The following TENM3 variants were observed in gnomAD, a reference collection of about 807,000 sequenced individuals.
TENM3 encodes teneurin-3.
In TENM3, 63 loss-of-function variants were observed where a neutral mutation model predicts 255.1. The observed-to-expected ratio is 0.25, with a 90% CI of 0.20 to 0.30. The LOEUF (loss-of-function observed/expected upper bound fraction) is 0.30. Among genes scored for constraint, TENM3 ranks in the 10% least tolerant of loss-of-function variants. The pLI is 1.00. For missense variants in TENM3, 2,929 were observed against 3,461.1 expected (o/e 0.85, Z 3.86); for synonymous variants, 1,306 against 1,322.3 (o/e 0.99, Z 0.27).
chr4:182,663,865 C>T (rs1447231114), intron 6 of TENM3, among the ~76,000 whole-genome samples: 1 of 152,174 alleles, frequency 6.6e-6, no homozygotes, highest in African/African-American at 2.4e-5. Context: ...AGATTTATTA[C>T]ACTGTTTTTA....
intron 3 of TENM3, among the ~76,000 whole-genome samples, chr4:182,387,924 G>C (rs1768090340): frequency 8.9e-6 from 1 of 112,950 alleles, no homozygotes; most frequent in African/African-American, 3.3e-5. Context: ...TGGTTTCTAA[G>C]GGGTGATAAT....
chr4:181,696,615 A>G, the TENM3 span, among the ~76,000 whole-genome samples: 6 of 152,198 alleles, frequency 3.9e-5, no homozygotes, highest in African/African-American at 1.2e-4. Context: ...AGAATGTTCA[A>G]GTAAGGGGCC....
the TENM3 span, among the ~76,000 whole-genome samples, chr4:182,113,161 A>G: frequency 6.6e-6 from 1 of 152,226 alleles, no homozygotes; most frequent in African/African-American, 2.4e-5. Flanking sequence ...AGGACAAACA[A>G]CTGTTTTATC....
At chr4:181,874,883 A>G in the TENM3 span, among the ~76,000 whole-genome samples, 2 of 152,198 alleles carry the variant, frequency 1.3e-5, no homozygotes, top group East Asian at 1.9e-4. Context: ...CAGGACAAAT[A>G]TAGAGTTCCC....
chr4:182,100,112 C>T, the TENM3 span, among the ~76,000 whole-genome samples: 1 of 152,016 alleles, frequency 6.6e-6, no homozygotes, highest in Non-Finnish European at 1.5e-5. Context: ...CTTTAATTCT[C>T]CTCTCTGACC....
At chr4:181,679,414 A>G in the TENM3 span, among the ~76,000 whole-genome samples, 1 of 152,146 alleles carries the variant, frequency 6.6e-6, no homozygotes, top group Non-Finnish European at 1.5e-5. Flanking sequence ...CTAGTAGTAC[A>G]TTATAAACCT....
the TENM3 span, among the ~76,000 whole-genome samples, chr4:181,549,183 G>A: frequency 3.3e-5 from 5 of 151,996 alleles, no homozygotes; most frequent in Admixed American, 1.3e-4. Context: ...TGGCTGCCCC[G>A]CCAGAGGTCC....
chr4:182,303,950 C>T (rs1761988791), intron 1 of TENM3, among the ~76,000 whole-genome samples: 1 of 152,082 alleles, frequency 6.6e-6, no homozygotes, highest in South Asian at 2.1e-4. Flanking sequence ...GAATATCCTG[C>T]TCAACGATTA....
chr4:182,777,840 T>TAC (rs1764824816), intron 24 of TENM3, among the ~76,000 whole-genome samples: 1 of 137,918 alleles, frequency 7.3e-6, no homozygotes, highest in Non-Finnish European at 1.5e-5. Context: ...ATACAGCATA[T>TAC]ATATATATAT....
intron 2 of TENM3, among the ~76,000 whole-genome samples, chr4:182,334,281 G>A (rs1516537): frequency 0.44 from 67,072 of 151,934 alleles, 15,104 homozygotes; most frequent in African/African-American, 0.52. Flanking sequence ...TTTAAAAAAC[G>A]TAAAACAGGA....
chr4:181,750,725 A>C, the TENM3 span, among the ~76,000 whole-genome samples: 139,339 of 152,192 alleles, frequency 0.92, 63,799 homozygotes, highest in East Asian at 0.94. Flanking sequence ...TCTTATGCTT[A>C]TCTGAGATTT....
At chr4:181,986,522 TG>T in the TENM3 span, among the ~76,000 whole-genome samples, 1 of 152,082 alleles carries the variant, frequency 6.6e-6, no homozygotes, top group South Asian at 2.1e-4. Flanking sequence ...CCAAGTCTGG[TG>T]GGGGTTTGCC....
the TENM3 span, among the ~76,000 whole-genome samples, chr4:181,948,314 A>G: frequency 6.6e-6 from 1 of 152,236 alleles, no homozygotes; most frequent in Non-Finnish European, 1.5e-5. Flanking sequence ...AAGCTGATAT[A>G]AAACGAATTT....
the TENM3 span, among the ~76,000 whole-genome samples, chr4:182,087,990 C>T: frequency 2.0e-5 from 3 of 152,202 alleles, no homozygotes; most frequent in African/African-American, 7.2e-5. Context: ...TACATAAATG[C>T]TCACTGAATG....
the TENM3 span, among the ~76,000 whole-genome samples, chr4:181,698,918 G>A: frequency 6.6e-6 from 1 of 152,138 alleles, no homozygotes; most frequent in Admixed American, 6.5e-5. Context: ...CATGATTAAA[G>A]AATATAAATG....
chr4:182,672,938 A>T, intron 6 of TENM3, 67 bp from the exon 7 acceptor site: 1 of 1,218,830 alleles, frequency 8.2e-7, no homozygotes. Context: ...CAAAAAGTTT[A>T]AAAACCTTTT....
At chr4:182,104,311 A>T in the TENM3 span, among the ~76,000 whole-genome samples, 2 of 152,052 alleles carry the variant, frequency 1.3e-5, no homozygotes, top group African/African-American at 4.8e-5. Context: ...ATTCAACATG[A>T]TCCCCTTGAA....
intron 3 of TENM3, among the ~76,000 whole-genome samples, chr4:182,434,325 C>A (rs1417859800): frequency 6.6e-6 from 1 of 152,092 alleles, no homozygotes; most frequent in Non-Finnish European, 1.5e-5. Context: ...ACTTGCTCTG[C>A]ATGTAGAACT....
the TENM3 span, among the ~76,000 whole-genome samples, chr4:181,778,094 C>T: frequency 1.3e-5 from 2 of 152,054 alleles, no homozygotes; most frequent in African/African-American, 2.4e-5. Flanking sequence ...GTATACCAAA[C>T]TTTCATATGC....
Sources: allele counts gnomAD v4.1 joint callset (sites outside exome capture counted in the v4.1 genomes callset), GRCh38; gene constraint gnomAD v4.1.1; transcripts MANE v1.5; gene names NCBI Gene and HGNC (gene_info 2026-07-23, HGNC 2026-07-21).